The following SCFD2 variants were observed in gnomAD, a reference collection of about 807,000 sequenced individuals.
SCFD2 encodes the protein sec1 family domain containing 2.
SCFD2 carries 54 observed loss-of-function variants against 58.9 expected under a neutral mutation model. The observed-to-expected ratio is 0.92, with a 90% CI of 0.74 to 1.15. The LOEUF (loss-of-function observed/expected upper bound fraction) is 1.15, where lower values mean the gene tolerates loss of function less well. Ranked by LOEUF, SCFD2 falls within the 50% of genes most tolerant of loss-of-function variation. The probability of loss-of-function intolerance (pLI) is 0.00; values close to 1 mark genes in which losing one functional copy is unlikely to be tolerated. For missense variants in SCFD2, 805 were observed against 836.6 expected (o/e 0.96, Z 0.47); for synonymous variants, 321 against 335.9 (o/e 0.96, Z 0.49).
At chr4:53,145,738 C>G (rs1357518058) in intron 4 of SCFD2, among the ~76,000 whole-genome samples, 156 bp from the exon 5 acceptor site, 1 of 152,056 alleles carries the variant, frequency 6.6e-6, no homozygotes, top group Non-Finnish European at 1.5e-5. Flanking sequence ...GGAGAGAATA[C>G]TACAAGAAGT....
At chr4:53,354,160 C>T (rs1322623445) in intron 1 of SCFD2, among the ~76,000 whole-genome samples, 1 of 152,228 alleles carries the variant, frequency 6.6e-6, no homozygotes, top group Non-Finnish European at 1.5e-5. Flanking sequence ...AGGCTCGGGC[C>T]CCATAGGAGC....
At chr4:53,257,399 G>A (rs899305231) in intron 4 of SCFD2, among the ~76,000 whole-genome samples, 29 of 152,268 alleles carry the variant, frequency 1.9e-4, no homozygotes, top group African/African-American at 5.8e-4. Context: ...GCTGAGCCCC[G>A]CAGTGCTCTG....
rs998340360 is a variant in SCFD2, at chr4:52,873,764, A to G, written c.*205T>C. Reference sequence around the variant, plus strand: ...ACAGACTGTCGCCTTCAGGAAAATAAAAAAACTTTTTTTTTTTTTTTTTAA... The same window carrying G: ...ACAGACTGTCGCCTTCAGGAAAATAGAAAAACTTTTTTTTTTTTTTTTTAA... On this transcript the variant is annotated 3_prime_UTR_variant, in exon 9 of 9. Coordinates refer to ENST00000401642, the MANE Select transcript of SCFD2 (RefSeq NM_152540.4). 7.8e-5 allele frequency: 35 copies of G among 450,490 alleles called. 1 individual carries two copies. In the Middle Eastern group the frequency reaches 2.4e-3, roughly 30 times the overall value. 27.9% of individuals were successfully genotyped at this position (450,490 alleles called of 1,614,324 possible). A position where few individuals can be genotyped will look rare whatever the true frequency, so the allele number is the denominator to read the frequency against.
intron 5 of SCFD2, among the ~76,000 whole-genome samples, chr4:52,923,486 A>AAATAAATAAATT (rs1719791331): frequency 6.7e-6 from 1 of 148,690 alleles, no homozygotes; most frequent in African/African-American, 2.5e-5. Flanking sequence ...TCAAATAAAT[A>AAATAAATAAATT]AATAAATAAA....
chr4:53,145,460 AAT>A lies in SCFD2; in HGVS notation c.1432_1433del (p.Ile478LeufsTer15). 1 of 1,614,102 alleles carries A rather than the reference AAT, an allele frequency of 6.2e-7. No homozygotes were observed. Among genetic ancestry groups the A allele is most frequent in the Non-Finnish European group, 8.5e-7 (1 of 1,180,000 alleles). On this transcript the variant is annotated frameshift_variant, in exon 5 of 9. Transcript: ENST00000401642. LOFTEE classifies it high-confidence loss of function. The part of the protein sequence containing the change: ...PEELLILLIY[I>X]YSVTGELTVD... ...CCGTGAGCTCTCCAGTGACAGAATA[AAT>A]ATATATGAGAAGGATCAGCAGTTCC...
rs572954084 is a variant in SCFD2 at position 52,933,100 on chromosome 4, C to G, written c.1562-12230G>C. 9.9e-5 allele frequency among the ~76,000 whole-genome samples: 15 copies of G among 152,240 alleles called. No homozygotes were observed. In the South Asian group the frequency reaches 2.9e-3, roughly 29 times the overall value. ...AATGCAGAAAAATCAGGGAAGCTTA[C>G]AGAAAGATGTCTCCCTCTTGAAACT... On this transcript the variant is annotated intron_variant, in intron 5 of 8. Transcript: ENST00000401642.
Position 52,874,537 on chromosome 4 carries a change from G to A in SCFD2, c.1963-476C>T, listed in dbSNP as rs538855531. Among the ~76,000 whole-genome samples, 34 of 152,348 alleles carry A rather than the reference G, an allele frequency of 2.2e-4. No individual in the cohort carries two copies. The South Asian group carries it at 6.6e-3, about 30-fold the overall frequency. ...TTGTTAGTGATGATGGTGATTGTTA[G>A]TTTCCTAGTACCACAAACTGGGTGG... is the stretch of plus-strand genomic sequence containing the variant. On this transcript the variant is annotated intron_variant, in intron 8 of 8. Coordinates refer to ENST00000401642, the MANE Select transcript of SCFD2 (RefSeq NM_152540.4).
intron 7 of SCFD2, among the ~76,000 whole-genome samples, chr4:52,901,155 C>T (rs961595357): frequency 2.0e-5 from 3 of 152,240 alleles, no homozygotes; most frequent in African/African-American, 7.2e-5. Context: ...GTGTCCTGCA[C>T]CCGCTGTCCG....
At chr4:53,350,033 G>A (rs958376196) in intron 2 of SCFD2, among the ~76,000 whole-genome samples, 1 of 152,186 alleles carries the variant, frequency 6.6e-6, no homozygotes, top group African/African-American at 2.4e-5. Flanking sequence ...ACCTCATAGA[G>A]ATATTGTGAG....
intron 5 of SCFD2, among the ~76,000 whole-genome samples, chr4:53,127,178 A>G (rs2148896580): frequency 6.6e-6 from 1 of 152,332 alleles, no homozygotes; most frequent in African/African-American, 2.4e-5. Context: ...TTTCTTCACT[A>G]TATTTCAAAC....
intron 4 of SCFD2, among the ~76,000 whole-genome samples, chr4:53,256,198 A>G (rs537681090): frequency 1.1e-4 from 16 of 147,276 alleles, no homozygotes; most frequent in African/African-American, 3.8e-4. Flanking sequence ...GGGACTCCTG[A>G]CTTCTCAGAC....
At chr4:52,901,060 G>T (rs562255433) in intron 7 of SCFD2, among the ~76,000 whole-genome samples, 57 of 152,340 alleles carry the variant, frequency 3.7e-4, no homozygotes, top group Admixed American at 1.2e-3. Flanking sequence ...CTTTGACTAG[G>T]AAAGGAAACT....
At chr4:52,940,603 G>A (rs1720268019) in intron 5 of SCFD2, among the ~76,000 whole-genome samples, 1 of 152,210 alleles carries the variant, frequency 6.6e-6, no homozygotes, top group Non-Finnish European at 1.5e-5. Flanking sequence ...AAAGAGGAAT[G>A]TAGCTGAAAT....
At chr4:52,954,581 C>T (rs1395923206) in intron 5 of SCFD2, among the ~76,000 whole-genome samples, 4 of 152,098 alleles carry the variant, frequency 2.6e-5, no homozygotes, top group Non-Finnish European at 5.9e-5. Context: ...CCACCTAATC[C>T]ACATGGGCAA....
intron 2 of SCFD2, among the ~76,000 whole-genome samples, chr4:53,336,699 G>C (rs1327113854): frequency 6.6e-6 from 1 of 151,950 alleles, no homozygotes; most frequent in African/African-American, 2.4e-5. Context: ...TTCTTTTTTA[G>C]AGACGGAGTC....
chr4:53,060,547 C>G (rs2148839742), intron 5 of SCFD2, among the ~76,000 whole-genome samples: 1 of 152,148 alleles, frequency 6.6e-6, no homozygotes, highest in Non-Finnish European at 1.5e-5. Context: ...CATTATTTGC[C>G]TTTTTCATTC....
intron 4 of SCFD2, among the ~76,000 whole-genome samples, chr4:53,213,241 G>A (rs1344835087): frequency 6.6e-6 from 1 of 152,082 alleles, no homozygotes; most frequent in Non-Finnish European, 1.5e-5. Context: ...GAGATGATGA[G>A]TAAAGATAGA....
intron 5 of SCFD2, among the ~76,000 whole-genome samples, chr4:52,972,327 C>G (rs930022408): frequency 6.6e-6 from 1 of 151,922 alleles, no homozygotes; most frequent in Non-Finnish European, 1.5e-5. Context: ...GGAAGATCTA[C>G]CAAGCAAATG....
At chr4:53,348,394 G>T (rs1268826449) in intron 2 of SCFD2, among the ~76,000 whole-genome samples, 3 of 152,052 alleles carry the variant, frequency 2.0e-5, no homozygotes, top group Admixed American at 6.6e-5. Flanking sequence ...AGAAGTTTCT[G>T]GTAGGTTTGG....
Sources: gnomAD v4.1 joint callset for allele counts (sites outside exome capture counted in the v4.1 genomes callset) on GRCh38, gnomAD v4.1.1 for gene constraint, MANE v1.5 for transcripts, NCBI Gene and HGNC (gene_info 2026-07-23, HGNC 2026-07-21) for gene names.